The following ADGRB2 variants were observed in gnomAD, a reference collection of about 807,000 sequenced individuals.
ADGRB2 encodes the protein adhesion G protein-coupled receptor B2.
A neutral mutation model predicts 178.7 loss-of-function variants in ADGRB2; 47 were observed. That is an observed-to-expected ratio of 0.26 (90% CI 0.21 to 0.34). ADGRB2 has a LOEUF of 0.34. ADGRB2 is among the 10% of genes least tolerant of loss of function. ADGRB2 has a pLI of 1.00. For synonymous variants in ADGRB2, 870 were observed against 912.4 expected (o/e 0.95, Z 0.84); for missense variants, 1,584 against 2,180.8 (o/e 0.73, Z 5.45).
Position 31,733,226 on chromosome 1 carries a change from C to G in ADGRB2, c.3453-83G>C. 6.9e-7 allele frequency: 1 copy of G among 1,441,486 alleles called. No homozygotes were observed. The highest frequency in any genetic ancestry group is 9.4e-7 in the Non-Finnish European group (1 of 1,068,864). 89.3% of individuals were successfully genotyped at this position (1,441,486 alleles called of 1,614,324 possible). ...AGCCTAGGCCTCCACTCAGCTGGAGCTCTTCAGCTGCCCAAGACTGGGAGG... is the reference window on the plus strand; with the variant it reads ...AGCCTAGGCCTCCACTCAGCTGGAGGTCTTCAGCTGCCCAAGACTGGGAGG... On this transcript the variant is annotated intron_variant, in intron 25 of 32. Coordinates refer to ENST00000373658, the MANE Select transcript of ADGRB2 (RefSeq NM_001364857.2). The surrounding 1 kb of genome is among the most constrained non-coding windows in gnomAD (Gnocchi z 4.3).
chr1:31,741,849 G>A lies in ADGRB2; in HGVS notation c.1536C>T (p.Cys512=), dbSNP rs769181766. The A allele has an allele frequency of 1.8e-5, 29 of 1,606,254 alleles. No homozygotes were observed. The highest frequency in any genetic ancestry group is 1.7e-4 in the Middle Eastern group (1 of 6,028). The change falls in exon 9 of 33, where the codon TGC becomes TGT. Residue 512 remains cysteine, a synonymous_variant. Coordinates refer to ENST00000373658, the MANE Select transcript of ADGRB2 (RefSeq NM_001364857.2). This position sits in a 1 kb window ranked among gnomAD's most constrained non-coding sequence, Gnocchi z 6.5. The stretch of plus-strand genomic sequence containing the variant: ...GCTTCACCTCCTCTCCGGTGCCCTC[G>A]CAGGGGTAGCCCTGCGTGCCCGTGG... ...CQATGTQGYP[C]EGTGEEVKPC...
Position 31,735,123 on chromosome 1 carries a change from T to G in ADGRB2, c.3452+60A>C. ...CTCCTCCTCCCCCCACCATGGGCAC[T>G]GCCCCCCCCAATTCCTTTGCCCCAC... On this transcript the variant is annotated intron_variant, in intron 25 of 32. Transcript: ENST00000373658. This position sits in a 1 kb window ranked among gnomAD's most constrained non-coding sequence, Gnocchi z 6.0. 3.0e-5 allele frequency: 18 copies of G among 590,408 alleles called. No homozygotes were observed. The highest frequency in any genetic ancestry group is 4.2e-5 in the Non-Finnish European group (16 of 384,404). 36.6% of individuals were successfully genotyped at this position (590,408 alleles called of 1,614,324 possible). A position where few individuals can be genotyped will look rare whatever the true frequency, so the allele number is the denominator to read the frequency against.
Position 31,741,795 on chromosome 1 carries a change from A to C in ADGRB2, c.1585+5T>G, listed in dbSNP as rs1645986152. 3 of 1,595,058 alleles carry C rather than the reference A, an allele frequency of 1.9e-6. No individual in the cohort carries two copies. Among genetic ancestry groups the C allele is most frequent in the Non-Finnish European group, 2.6e-6 (3 of 1,167,158 alleles). Reference sequence around the variant, plus strand: ...CCCCAGCCCCCAGGGTCATTAGGGCAGTACCTGGACACCTCTTCTCACTAC... The same window carrying C: ...CCCCAGCCCCCAGGGTCATTAGGGCCGTACCTGGACACCTCTTCTCACTAC... On this transcript the variant is annotated splice_donor_5th_base_variant and intron_variant, in intron 9 of 32. Transcript: ENST00000373658. This position sits in a 1 kb window ranked among gnomAD's most constrained non-coding sequence, Gnocchi z 6.5.
chr1:31,757,478 T>C lies in ADGRB2; in HGVS notation c.-157A>G, dbSNP rs1360927512. On this transcript the variant is annotated 5_prime_UTR_variant, in exon 2 of 33. Transcript: ENST00000373658. ...CATGCCCACAGGAGGGCACTGTCAG[T>C]GTGGACGTCACATGTATCACTGCTG... is the stretch of plus-strand genomic sequence containing the variant. 1.8e-6 allele frequency: 1 copy of C among 547,234 alleles called. No individual in the cohort carries two copies. The highest frequency in any genetic ancestry group is 3.3e-6 in the Non-Finnish European group (1 of 303,842). 33.9% of individuals were successfully genotyped at this position (547,234 alleles called of 1,614,324 possible).
intron 22 of ADGRB2, 59 bp downstream of exon 22, chr1:31,736,262 A>C: frequency 6.3e-7 from 1 of 1,582,286 alleles, no homozygotes; most frequent in East Asian, 2.2e-5. Flanking sequence ...CCAGCTGCCC[A>C]GTCCGATTCC....
rs1188830350 is a variant in ADGRB2 at position 31,727,995 on chromosome 1, C to T, written c.4572+30G>A. ...GGAGGGCACGGGTCCCTCAGGCCCA[C>T]CTCACCCCACCCAGCCCGGGGGGAC... On this transcript the variant is annotated intron_variant, in intron 32 of 32. Transcript: ENST00000373658. This position sits in a 1 kb window ranked among gnomAD's most constrained non-coding sequence, Gnocchi z 4.4. The T allele has an allele frequency of 1.3e-6, 2 of 1,535,330 alleles. No individual in the cohort carries two copies. Among genetic ancestry groups the T allele is most frequent in the South Asian group, 1.2e-5 (1 of 83,380 alleles).
rs1393089780 is a variant in ADGRB2 at position 31,738,259 on chromosome 1, G to A, written c.2713C>T (p.Arg905Cys). 8 of 1,614,020 alleles carry A rather than the reference G, an allele frequency of 5.0e-6. No individual in the cohort carries two copies. The highest frequency in any genetic ancestry group is 2.7e-5 in the African/African-American group (2 of 74,916). Residue 905 changes from arginine (R) to cysteine (C), a missense_variant, in exon 18 of 33, where the codon CGC becomes TGC. Around this residue, in one of 3 missense-constraint regions of ADGRB2, gnomAD observed 865 missense variants for 1,192.8 expected, o/e 0.73. Coordinates refer to ENST00000373658, the MANE Select transcript of ADGRB2 (RefSeq NM_001364857.2). ...GTGGACAGGTGCTGGCACTGGCAGC[G>A]GGTGTGAGCTGCCTGGGTCTCCAGG... ...QTLETQAAHT[R>C]CQCQHLSTFA...
At chr1:31,760,611 AG>A (rs1647012714) in intron 1 of ADGRB2, 1 of 149,506 alleles carries the variant, frequency 6.7e-6, no homozygotes. Flanking sequence ...GGCCGGGGGA[AG>A]GGGCGCGGCG....
In ADGRB2 at chr1:31,755,572, G is replaced by A. The variant is rs1040193896; in HGVS notation, c.838+427C>T. Among the ~76,000 whole-genome samples, 3 of 152,034 alleles carry A rather than the reference G, an allele frequency of 2.0e-5. No individual in the cohort carries two copies. Among genetic ancestry groups the A allele is most frequent in the African/African-American group, 7.3e-5 (3 of 41,376 alleles). ...GCTCCCTGCCTACTCCAGCCTCCAG[G>A]CAAACTTGTCAACTTGCAGCGCCAG... On this transcript the variant is annotated intron_variant, in intron 4 of 32. Coordinates refer to ENST00000373658, the MANE Select transcript of ADGRB2 (RefSeq NM_001364857.2). The surrounding 1 kb of genome is among the most constrained non-coding windows in gnomAD (Gnocchi z 5.1).
chr1:31,728,043 G>A lies in ADGRB2; in HGVS notation c.4554C>T (p.Ala1518=), dbSNP rs146421594. ...KRWSVSSGGA[A]ERSVCTDKPS... is the part of the protein sequence containing the mutation. ...GACTCACGGTGCACACGCTCCGCTC[G>A]GCTGCCCCACCCGAGGACACACTCC... The change falls in exon 32 of 33, where the codon GCC becomes GCT. Residue 1518 remains alanine, a synonymous_variant. Coordinates refer to ENST00000373658, the MANE Select transcript of ADGRB2 (RefSeq NM_001364857.2). The surrounding 1 kb of genome is among the most constrained non-coding windows in gnomAD (Gnocchi z 6.7). The A allele has an allele frequency of 1.1e-5, 18 of 1,584,688 alleles. No individual in the cohort carries two copies. The highest frequency in any genetic ancestry group is 1.8e-4 in the Middle Eastern group (1 of 5,584).
In ADGRB2 at chr1:31,748,034, G is replaced by A. The variant is rs113367942; in HGVS notation, c.839-3303C>T. On this transcript the variant is annotated intron_variant, in intron 4 of 32. Coordinates refer to ENST00000373658, the MANE Select transcript of ADGRB2 (RefSeq NM_001364857.2). ...TCGTGTCTGGGGCATCTACCAGTCT[G>A]GCATCCAGTGCCCACCAAATGCGGA... Among the ~76,000 whole-genome samples the A allele has an allele frequency of 4.5e-3, 679 of 152,310 alleles. 8 individuals carry two copies. The highest frequency in any genetic ancestry group is 0.035 in the East Asian group (179 of 5,186).
At position 31,738,645 on chromosome 1, in the gene ADGRB2, A is replaced by G; in HGVS notation, c.2602-15T>C. On this transcript the variant is annotated splice_polypyrimidine_tract_variant and intron_variant, in intron 16 of 32. Transcript: ENST00000373658. The stretch of plus-strand genomic sequence containing the variant: ...TCCGTGGTCCCCTGGGGAGCAAAAG[A>G]CATGAGTGCAGTCTAGGGAGGGAAG... The G allele has an allele frequency of 1.9e-6, 3 of 1,612,460 alleles. No individual in the cohort carries two copies. The highest frequency in any genetic ancestry group is 2.5e-6 in the Non-Finnish European group (3 of 1,179,286).
intron 6 of ADGRB2, chr1:31,743,586 AG>A (rs1326363933): frequency 6.5e-6 from 1 of 152,834 alleles, no homozygotes; most frequent in African/African-American, 2.4e-5. Context: ...CTAAATCCAC[AG>A]CACCACTGGC....
rs899146426 is a variant in ADGRB2 at position 31,739,803 on chromosome 1, A to G, written c.2167+123T>C. 9.2e-6 allele frequency: 11 copies of G among 1,199,576 alleles called. No individual in the cohort carries two copies. In the African/African-American group the frequency reaches 1.5e-4, roughly 17 times the overall value. 74.3% of individuals were successfully genotyped at this position (1,199,576 alleles called of 1,614,324 possible). On this transcript the variant is annotated intron_variant, in intron 14 of 32. Coordinates refer to ENST00000373658, the MANE Select transcript of ADGRB2 (RefSeq NM_001364857.2). Reference sequence around the variant, plus strand: ...ACATACACAGAGAAACAGACCACACATAGATGAAGGAGAGGGTAGAATGTG... The same window carrying G: ...ACATACACAGAGAAACAGACCACACGTAGATGAAGGAGAGGGTAGAATGTG...
Position 31,728,431 on chromosome 1 carries a change from T to G in ADGRB2, c.4417-151A>C. On this transcript the variant is annotated intron_variant, in intron 30 of 32. Transcript: ENST00000373658. This position sits in a 1 kb window ranked among gnomAD's most constrained non-coding sequence, Gnocchi z 6.7. ...TAGTTCTCTCTTCACGTTGGTGCTATGGGCTTGGGCAGGGAGGGAATCATG... is the reference window on the plus strand; with the variant it reads ...TAGTTCTCTCTTCACGTTGGTGCTAGGGGCTTGGGCAGGGAGGGAATCATG... The G allele has an allele frequency of 7.5e-7, 1 of 1,341,398 alleles. No individual in the cohort carries two copies. The highest frequency in any genetic ancestry group is 1.2e-5 in the South Asian group (1 of 83,052). 83.1% of individuals were successfully genotyped at this position (1,341,398 alleles called of 1,614,324 possible). A position where few individuals can be genotyped will look rare whatever the true frequency, so the allele number is the denominator to read the frequency against.
In ADGRB2 at chr1:31,753,410, GC is replaced by G. The variant is rs1369467368; in HGVS notation, c.838+2588del. ...GGCTCTGAGGCGTCCCAGGCACTCC[GC>G]CAGTCACTGCCCACCAGCCCCCAGC... On this transcript the variant is annotated intron_variant, in intron 4 of 32. Coordinates refer to ENST00000373658, the MANE Select transcript of ADGRB2 (RefSeq NM_001364857.2). The surrounding 1 kb of genome is among the most constrained non-coding windows in gnomAD (Gnocchi z 4.1). 6.6e-6 allele frequency among the ~76,000 whole-genome samples: 1 copy of G among 152,184 alleles called. No homozygotes were observed. Among genetic ancestry groups the G allele is most frequent in the African/African-American group, 2.4e-5 (1 of 41,448 alleles).
Position 31,737,732 on chromosome 1 carries a change from G to A in ADGRB2, c.2796C>T (p.Pro932=), listed in dbSNP as rs758541583. The A allele has an allele frequency of 3.2e-5, 51 of 1,613,482 alleles. No homozygotes were observed. The highest frequency in any genetic ancestry group is 8.3e-5 in the Admixed American group (5 of 59,996). The change falls in exon 19 of 33, where the codon CCC becomes CCT. Residue 932 remains proline (P), a synonymous_variant. Coordinates refer to ENST00000373658, the MANE Select transcript of ADGRB2 (RefSeq NM_001364857.2). ...KDLTLELAGS[P]SVPLVIGCAV... is the part of the protein sequence containing the mutation. ...CACAGCCGATCACCAGGGGGACCGA[G>A]GGGGAGCCCGCCAGCTCCAGGGTCT... is the stretch of plus-strand genomic sequence containing the variant.
rs1181260433 is a variant in ADGRB2, at chr1:31,761,442, C to T, written c.-191+2442G>A. On this transcript the variant is annotated intron_variant, in intron 1 of 32. Transcript: ENST00000373658. This position sits in a 1 kb window ranked among gnomAD's most constrained non-coding sequence, Gnocchi z 4.2. ...TCTTCTGTGGCTGAGTGATTTCCCA[C>T]CTGGGCTCCCCCTAACAGGCTGCCT... Among the ~76,000 whole-genome samples the T allele has an allele frequency of 6.6e-6, 1 of 152,236 alleles. No homozygotes were observed. The highest frequency in any genetic ancestry group is 1.5e-5 in the Non-Finnish European group (1 of 68,032).
chr1:31,727,443 C>G lies in ADGRB2; in HGVS notation c.4735G>C (p.Gly1579Arg). The G allele has an allele frequency of 6.3e-7, 1 of 1,587,612 alleles. No homozygotes were observed. The highest frequency in any genetic ancestry group is 8.5e-7 in the Non-Finnish European group (1 of 1,172,432). ...AAWEPTEPPDGDFQTEV is the reference protein window; with the variant it reads ...AAWEPTEPPDRDFQTEV ...ACTCACACCTCTGTCTGGAAGTCAC[C>G]ATCCGGTGGTTCTGTGGGCTCCCAG... is the stretch of plus-strand genomic sequence containing the variant. The change falls in exon 33 of 33, where the codon GGT (glycine) becomes CGT (arginine). Residue 1579 changes from glycine (G) to arginine (R), a missense_variant. Around this residue, in one of 3 missense-constraint regions of ADGRB2, gnomAD observed 865 missense variants for 1,192.8 expected, o/e 0.73. Transcript: ENST00000373658. This position sits in a 1 kb window ranked among gnomAD's most constrained non-coding sequence, Gnocchi z 4.4.
Sources: gnomAD v4.1 joint callset for allele counts (sites outside exome capture counted in the v4.1 genomes callset) on GRCh38, gnomAD v4.1.1 for gene constraint, gnomAD v4.1.1 regional missense constraint, Gnocchi (gnomAD v3.1) non-coding constraint, MANE v1.5 for transcripts, NCBI Gene and HGNC (gene_info 2026-07-23, HGNC 2026-07-21) for gene names.